Variants in TRIB3 observed in about 807,000 individuals in gnomAD.
TRIB3 encodes tribbles homolog 3.
TRIB3 carries 20 observed loss-of-function variants against 16.6 expected under a neutral mutation model. That is an observed-to-expected ratio of 1.20 (90% CI 0.85 to 1.75). TRIB3 has a LOEUF of 1.75. Ranked by LOEUF, TRIB3 falls within the 40% of genes most tolerant of loss-of-function variation. The pLI is 0.00. For synonymous variants in TRIB3, 208 were observed against 217.0 expected (o/e 0.96, Z 0.36); for missense variants, 484 against 488.9 (o/e 0.99, Z 0.10).
Position 396,796 on chromosome 20 carries a change from AGG to A in TRIB3, c.*108_*109del. 2.0e-6 allele frequency: 3 copies of A among 1,472,572 alleles called. No homozygotes were observed. Among genetic ancestry groups the A allele is most frequent in the Non-Finnish European group, 2.7e-6 (3 of 1,105,334 alleles). 91.2% of individuals were successfully genotyped at this position (1,472,572 alleles called of 1,614,324 possible). A position where few individuals can be genotyped will look rare whatever the true frequency, so the allele number is the denominator to read the frequency against. ...AGCCAAACCTTCAGTGCCTTCCAGA[AGG>A]GAGAAAGGCAGAAGCCTGTGTGGAG... On this transcript the variant is annotated 3_prime_UTR_variant, in exon 4 of 4. Transcript: ENST00000217233.
intron 1 of TRIB3, among the ~76,000 whole-genome samples, chr20:386,223 G>T (rs2014803522): frequency 1.3e-5 from 2 of 152,024 alleles, no homozygotes; most frequent in South Asian, 4.1e-4. Context: ...CTGACGGCAA[G>T]ACTGCTGTCT....
At chr20:383,990 C>T (rs1600246207) in intron 1 of TRIB3, among the ~76,000 whole-genome samples, 3 of 152,258 alleles carry the variant, frequency 2.0e-5, no homozygotes, top group Admixed American at 1.3e-4. Flanking sequence ...GAGCCAAAGG[C>T]TGGACCTCAC....
chr20:392,443 G>T (rs991265633), intron 3 of TRIB3, among the ~76,000 whole-genome samples: 6 of 152,142 alleles, frequency 3.9e-5, no homozygotes, highest in Non-Finnish European at 8.8e-5. Flanking sequence ...AGGATTCCAA[G>T]ACCACAGCCA....
In TRIB3 at chr20:386,554, A is replaced by G. The variant is rs544731278; in HGVS notation, c.1-1457A>G. Among the ~76,000 whole-genome samples the G allele has an allele frequency of 4.6e-5, 7 of 151,454 alleles. No homozygotes were observed. In the East Asian group the frequency reaches 9.7e-4, roughly 21 times the overall value. On this transcript the variant is annotated intron_variant, in intron 1 of 3. Coordinates refer to ENST00000217233, the MANE Select transcript of TRIB3 (RefSeq NM_021158.5). ...CTTCCCAGTAGCTGGGATTACAGGT[A>G]TGCACCACCACGCCCGGCTAATTTT...
In TRIB3 at chr20:382,909, G is replaced by A. The variant is rs374156994; in HGVS notation, c.-1+1740G>A. 1.3e-3 allele frequency among the ~76,000 whole-genome samples: 199 copies of A among 152,340 alleles called. 3 individuals carry two copies. Among genetic ancestry groups the A allele is most frequent in the African/African-American group, 4.5e-3 (189 of 41,578 alleles). On this transcript the variant is annotated intron_variant, in intron 1 of 3. Transcript: ENST00000217233. ...GGCAGCTCTTCCATTTGGGAGCAGC[G>A]TACTTGGAGAGGTGGGCCTCTGTCT...
At chr20:391,193 T>G in intron 2 of TRIB3, 94 bp from the exon 3 acceptor site, 1 of 1,366,072 alleles carries the variant, frequency 7.3e-7, no homozygotes, top group Non-Finnish European at 1.0e-6. Flanking sequence ...GCCTAGCACA[T>G]GGTAGTGTCT....
At chr20:384,103 C>A (rs7265169) in intron 1 of TRIB3, among the ~76,000 whole-genome samples, 20,744 of 151,984 alleles carry the variant, frequency 0.14, 1,890 homozygotes, top group Admixed American at 0.26. Context: ...CTTAACTTCG[C>A]GTCTCCATCT....
chr20:393,214 C>T (rs1052878579), intron 3 of TRIB3, among the ~76,000 whole-genome samples: 1 of 152,216 alleles, frequency 6.6e-6, no homozygotes, highest in African/African-American at 2.4e-5. Context: ...TTCCCACTAA[C>T]ACCCCTTGCT....
intron 3 of TRIB3, among the ~76,000 whole-genome samples, chr20:392,539 T>C (rs923311620): frequency 7.3e-5 from 11 of 150,658 alleles, no homozygotes; most frequent in Non-Finnish European, 1.6e-4. Context: ...CTTCCTTCTC[T>C]AGGTTGGGAT....
At position 391,439 on chromosome 20, in the gene TRIB3, G is replaced by A. The variant is rs1260617765; in HGVS notation, c.444G>A (p.Val148=). Residue 148 remains valine, a synonymous_variant, in exon 3 of 4, where the codon GTG becomes GTA. Transcript: ENST00000217233. Reference sequence around the variant, plus strand: ...CCCATGGGGACATGCACAGCCTGGTGCGAAGCCGCCACCGTATCCCTGAGC... The same window carrying A: ...CCCATGGGGACATGCACAGCCTGGTACGAAGCCGCCACCGTATCCCTGAGC... The part of the protein sequence containing the change: ...TRTHGDMHSL[V]RSRHRIPEPE... 3.7e-6 allele frequency: 6 copies of A among 1,613,772 alleles called. No homozygotes were observed. The African/African-American group carries it at 6.7e-5, about 18-fold the overall frequency.
rs149447454 is a variant in TRIB3, at chr20:391,536, C to A, written c.541C>A (p.Arg181Ser). 1 of 1,613,240 alleles carries A rather than the reference C, an allele frequency of 6.2e-7. No individual in the cohort carries two copies. The stretch of plus-strand genomic sequence containing the variant: ...CTGTCACCAGCACGGTCTGGTCCTG[C>A]GTGATCTCAAGCTGTGTCGCTTTGT... ...AHCHQHGLVL[R>S]DLKLCRFVFA... is the part of the protein sequence containing the mutation. Residue 181 changes from arginine to serine, a missense_variant, in exon 3 of 4, where the codon CGT becomes AGT. By Grantham distance (110) the Arg-to-Ser change is moderately radical. Coordinates refer to ENST00000217233, the MANE Select transcript of TRIB3 (RefSeq NM_021158.5).
intron 2 of TRIB3, 134 bp from the exon 3 acceptor site, chr20:391,153 T>A: frequency 1.0e-6 from 1 of 980,798 alleles, no homozygotes; most frequent in Non-Finnish European, 1.5e-6. Flanking sequence ...CAGGGCTGAG[T>A]GACTCGGTCA....
At chr20:384,897 C>G (rs2014757474) in intron 1 of TRIB3, among the ~76,000 whole-genome samples, 1 of 152,152 alleles carries the variant, frequency 6.6e-6, no homozygotes, top group African/African-American at 2.4e-5. Flanking sequence ...CACAACACTT[C>G]CACTTGTGTC....
chr20:382,441 G>C (rs1188398512), intron 1 of TRIB3: 1 of 1,231,716 alleles, frequency 8.1e-7, no homozygotes, highest in African/African-American at 1.5e-5. Context: ...AGGGCACAAA[G>C]CATGTGCACA....
intron 1 of TRIB3, among the ~76,000 whole-genome samples, chr20:381,736 G>C (rs192536665): frequency 0.039 from 5,088 of 131,106 alleles, 147 homozygotes; most frequent in East Asian, 0.14. Flanking sequence ...CAGGGCTGGG[G>C]TGCCCTGGAG....
Position 388,116 on chromosome 20 carries a change from C to G in TRIB3, c.106C>G (p.Arg36Gly). Residue 36 changes from arginine (R) to glycine (G), a missense_variant, in exon 2 of 4, where the codon CGA becomes GGA. Transcript: ENST00000217233. Reference sequence around the variant, plus strand: ...CGAGCGTCCCGTCCAGAAACGAGCTCGAAGTGGGCCCCAGCCCAGACTGCC... The same window carrying G: ...CGAGCGTCCCGTCCAGAAACGAGCTGGAAGTGGGCCCCAGCCCAGACTGCC... ...DTERPVQKRA[R>G]SGPQPRLPPC... 1 of 1,614,122 alleles carries G rather than the reference C, an allele frequency of 6.2e-7. No homozygotes were observed. The highest frequency in any genetic ancestry group is 8.5e-7 in the Non-Finnish European group (1 of 1,180,036).
At chr20:386,581 T>G (rs1435805037) in intron 1 of TRIB3, among the ~76,000 whole-genome samples, 4 of 151,086 alleles carry the variant, frequency 2.6e-5, no homozygotes, top group Non-Finnish European at 4.4e-5. Context: ...GCTAATTTTT[T>G]TTTTCTCCCG....
At chr20:390,758 T>G (rs190725454) in intron 2 of TRIB3, among the ~76,000 whole-genome samples, 1 of 152,058 alleles carries the variant, frequency 6.6e-6, no homozygotes, top group Admixed American at 6.6e-5. Context: ...TCCCAGCCCT[T>G]TGGAAGGCTG....
intron 2 of TRIB3, 115 bp from the exon 3 acceptor site, chr20:391,172 C>A (rs765537306): frequency 1.8e-5 from 22 of 1,193,378 alleles, no homozygotes; most frequent in Non-Finnish European, 2.5e-5. Context: ...CAGTGAAGCG[C>A]TTGGTGCGAT....
Sources: gnomAD v4.1 joint callset for allele counts (sites outside exome capture counted in the v4.1 genomes callset) on GRCh38, gnomAD v4.1.1 for gene constraint, MANE v1.5 for transcripts, NCBI Gene and HGNC (gene_info 2026-07-23, HGNC 2026-07-21) for gene names.